Variants in UBE2E2 observed in about 807,000 individuals in gnomAD.
The protein encoded by UBE2E2 is ubiquitin-conjugating enzyme E2 E2.
Under a neutral mutation model 24.7 loss-of-function variants are expected in UBE2E2, and 6 were observed. The ratio of observed to expected loss-of-function variants is 0.24; its 90% confidence interval spans 0.13 to 0.48. The LOEUF is 0.48. Ranked by LOEUF, UBE2E2 falls within the 20% of genes least tolerant of loss-of-function variation. The pLI, the probability that UBE2E2 is intolerant of heterozygous loss-of-function variation, is 0.99. For missense variants in UBE2E2, 169 were observed against 245.0 expected (o/e 0.69, Z 2.07); for synonymous variants, 104 against 83.6 (o/e 1.24, Z -1.33).
intron 4 of UBE2E2, among the ~76,000 whole-genome samples, chr3:23,501,010 G>T (rs1045411352): frequency 2.0e-5 from 3 of 152,042 alleles, no homozygotes; most frequent in African/African-American, 4.8e-5. Flanking sequence ...CAAAGCCATG[G>T]TAAATCTAAT....
chr3:23,356,049 T>A (rs1202568959), intron 3 of UBE2E2, among the ~76,000 whole-genome samples: 1 of 152,180 alleles, frequency 6.6e-6, no homozygotes, highest in Admixed American at 6.5e-5. Flanking sequence ...ATTAATTGTA[T>A]AGAAAGCTGG....
At chr3:23,274,885 A>G (rs1217278802) in intron 3 of UBE2E2, among the ~76,000 whole-genome samples, 3 of 152,202 alleles carry the variant, frequency 2.0e-5, no homozygotes, top group Admixed American at 6.5e-5. Context: ...AATATTGCCT[A>G]ATTGCCCTTA....
At chr3:23,239,484 T>A (rs1441059172) in intron 3 of UBE2E2, among the ~76,000 whole-genome samples, 2 of 151,744 alleles carry the variant, frequency 1.3e-5, no homozygotes, top group Non-Finnish European at 2.9e-5. Context: ...TTTCTGTCTC[T>A]ATGGATTTGT....
intron 3 of UBE2E2, among the ~76,000 whole-genome samples, chr3:23,302,411 C>G (rs1038515539): frequency 6.6e-6 from 1 of 152,208 alleles, no homozygotes; most frequent in Non-Finnish European, 1.5e-5. Context: ...TTCCCCACCA[C>G]TAAAATAGCT....
chr3:23,584,800 C>A (rs1013709977), intron 5 of UBE2E2, among the ~76,000 whole-genome samples: 7 of 146,360 alleles, frequency 4.8e-5, no homozygotes, highest in Non-Finnish European at 1.0e-4. Flanking sequence ...TCAAACTCCT[C>A]GGCTCAGGCC....
chr3:23,573,777 G>A (rs986611714), intron 5 of UBE2E2, among the ~76,000 whole-genome samples: 1 of 152,150 alleles, frequency 6.6e-6, no homozygotes, highest in African/African-American at 2.4e-5. Context: ...CTGATTAAAA[G>A]CGTGGATTTT....
chr3:23,217,435 C>A, intron 3 of UBE2E2, 123 bp downstream of exon 3: 1 of 865,056 alleles, frequency 1.2e-6, no homozygotes, highest in East Asian at 2.6e-5. Flanking sequence ...GTTGTTTGAA[C>A]TTAAGTGACT....
chr3:23,512,788 T>C (rs1694633961), intron 4 of UBE2E2, among the ~76,000 whole-genome samples: 2 of 151,994 alleles, frequency 1.3e-5, no homozygotes. Context: ...CTACTAAAAA[T>C]ACAAAAATTA....
At chr3:23,562,122 G>A (rs184778672) in intron 5 of UBE2E2, among the ~76,000 whole-genome samples, 43,574 of 151,446 alleles carry the variant, frequency 0.29, 6,695 homozygotes, top group East Asian at 0.49. Context: ...AGGAGTGGTG[G>A]GAGAGGGCAT....
At chr3:23,261,274 C>A (rs1339320442) in intron 3 of UBE2E2, among the ~76,000 whole-genome samples, 2 of 151,370 alleles carry the variant, frequency 1.3e-5, no homozygotes, top group Non-Finnish European at 2.9e-5. Flanking sequence ...TGCATTGGTA[C>A]CAGAAAAAGT....
At chr3:23,284,698 ATAG>A (rs1056285801) in intron 3 of UBE2E2, among the ~76,000 whole-genome samples, 1 of 151,844 alleles carries the variant, frequency 6.6e-6, no homozygotes, top group Non-Finnish European at 1.5e-5. Flanking sequence ...TGGTGGGTAC[ATAG>A]TAGGTGGTGA....
chr3:23,229,813 T>G (rs1696926073), intron 3 of UBE2E2, among the ~76,000 whole-genome samples: 1 of 152,208 alleles, frequency 6.6e-6, no homozygotes, highest in Non-Finnish European at 1.5e-5. Flanking sequence ...ATTTGAAAGG[T>G]GACTAGTGCA....
chr3:23,238,228 T>C (rs1697170035), intron 3 of UBE2E2, among the ~76,000 whole-genome samples: 1 of 152,166 alleles, frequency 6.6e-6, no homozygotes, highest in Non-Finnish European at 1.5e-5. Context: ...CTTGTTCATT[T>C]ATTCACTAAA....
chr3:23,227,585 A>T (rs950095485), intron 3 of UBE2E2, among the ~76,000 whole-genome samples: 1 of 152,188 alleles, frequency 6.6e-6, no homozygotes, highest in African/African-American at 2.4e-5. Flanking sequence ...GTAATTGAGG[A>T]ATATTTTTAA....
chr3:23,235,444 G>C (rs376588166), intron 3 of UBE2E2, among the ~76,000 whole-genome samples: 40 of 152,168 alleles, frequency 2.6e-4, no homozygotes, highest in East Asian at 1.2e-3. Context: ...GCTGGATTGA[G>C]GGGGAGTGGG....
At chr3:23,257,511 T>TG (rs1559459103) in intron 3 of UBE2E2, among the ~76,000 whole-genome samples, 5 of 17,240 alleles carry the variant, frequency 2.9e-4, no homozygotes, top group Non-Finnish European at 4.3e-4. Flanking sequence ...CTGTTTCCCG[T>TG]GCCCCCCCCC....
chr3:23,336,294 A>G (rs1355000494), intron 3 of UBE2E2, among the ~76,000 whole-genome samples: 1 of 152,198 alleles, frequency 6.6e-6, no homozygotes, highest in Non-Finnish European at 1.5e-5. Flanking sequence ...TATAGTCCTT[A>G]TCATGTTACT....
intron 3 of UBE2E2, among the ~76,000 whole-genome samples, chr3:23,311,977 A>C (rs1043085647): frequency 6.6e-6 from 1 of 152,134 alleles, no homozygotes; most frequent in African/African-American, 2.4e-5. Context: ...AGGCGATTGG[A>C]TCATGGGGAG....
chr3:23,581,399 A>T (rs1489956993), intron 5 of UBE2E2, among the ~76,000 whole-genome samples: 1 of 152,218 alleles, frequency 6.6e-6, no homozygotes, highest in Non-Finnish European at 1.5e-5. Context: ...CTTGGGAGCC[A>T]TGCTGAGTTT....
Sources: allele counts gnomAD v4.1 joint callset (sites outside exome capture counted in the v4.1 genomes callset), GRCh38; gene constraint gnomAD v4.1.1; transcripts MANE v1.5; gene names NCBI Gene and HGNC (gene_info 2026-07-23, HGNC 2026-07-21).